Variants in EPPK1 observed in about 807,000 individuals in gnomAD.
EPPK1 encodes epiplakin.
For missense variants in EPPK1, 3,823 were observed against 3,673.3 expected (o/e 1.04, Z -1.05); for synonymous variants, 1,862 against 1,721.2 (o/e 1.08, Z -2.03).
At position 143,866,910 on chromosome 8, in the gene EPPK1, A is replaced by G; in HGVS notation, c.6344T>C (p.Phe2115Ser). 6.2e-7 allele frequency: 1 copy of G among 1,612,926 alleles called. No individual in the cohort carries two copies. The highest frequency in any genetic ancestry group is 8.5e-7 in the Non-Finnish European group (1 of 1,179,852). Residue 2115 changes from phenylalanine (F) to serine (S), a missense_variant, in exon 2 of 2, where the codon TTC becomes TCC. Transcript: ENST00000615648. ...AEQVEITVGR[F>S]RGQKPTLWAL... ...CCACAGTGTTGGTTTCTGGCCTCTGAACCTTCCCACTGTGATTTCCACTTG... is the reference window on the plus strand; with the variant it reads ...CCACAGTGTTGGTTTCTGGCCTCTGGACCTTCCCACTGTGATTTCCACTTG...
At position 143,870,286 on chromosome 8, in the gene EPPK1, T is replaced by C. The variant is rs782332162; in HGVS notation, c.2968A>G (p.Arg990Gly). ...ESLSVDEAVRRGVVGPELYGR... is the reference protein window; with the variant it reads ...ESLSVDEAVRGGVVGPELYGR... ...TACAGCTCCGGCCCCACCACACCCCTGCGCACGGCCTCATCCACCGAGAGG... is the reference window on the plus strand; with the variant it reads ...TACAGCTCCGGCCCCACCACACCCCCGCGCACGGCCTCATCCACCGAGAGG... The change falls in exon 2 of 2, where the codon AGG becomes GGG. Residue 990 changes from arginine to glycine, a missense_variant. Arg to Gly is a moderately radical substitution (Grantham distance 125). Transcript: ENST00000615648. This position sits in a 1 kb window ranked among gnomAD's most constrained non-coding sequence, Gnocchi z 5.2. The C allele has an allele frequency of 9.5e-6, 15 of 1,586,710 alleles. No homozygotes were observed. The highest frequency in any genetic ancestry group is 9.1e-5 in the South Asian group (8 of 88,292).
chr8:143,858,108 TCG>T lies in EPPK1; in HGVS notation c.15144_15145del (p.Ser5048ArgfsTer29). The stretch of plus-strand genomic sequence containing the variant: ...GGGGTCGAAGAAGCCCTTGGTGTCG[TCG>T]CTGGGGTCGGCCAGGACGCGGTTCA... On this transcript the variant is annotated frameshift_variant, in exon 2 of 2. Coordinates refer to ENST00000615648, the MANE Select transcript of EPPK1 (RefSeq NM_031308.4). LOFTEE classifies it low-confidence loss of function (END_TRUNC). 6.2e-7 allele frequency: 1 copy of T among 1,613,366 alleles called. No individual in the cohort carries two copies. The highest frequency in any genetic ancestry group is 1.1e-5 in the South Asian group (1 of 91,096).
Position 143,866,925 on chromosome 8 carries a change from A to G in EPPK1, c.6329T>C (p.Ile2110Thr). 1 of 1,612,816 alleles carries G rather than the reference A, an allele frequency of 6.2e-7. No homozygotes were observed. Among genetic ancestry groups the G allele is most frequent in the Admixed American group, 1.7e-5 (1 of 60,008 alleles). The change falls in exon 2 of 2, where the codon ATC becomes ACC. Residue 2110 changes from isoleucine to threonine, a missense_variant. By Grantham distance (89) the Ile-to-Thr change is moderately conservative. Coordinates refer to ENST00000615648, the MANE Select transcript of EPPK1 (RefSeq NM_031308.4). ...CTGGCCTCTGAACCTTCCCACTGTGATTTCCACTTGCTCTGCCTCCAGGGC... is the reference window on the plus strand; with the variant it reads ...CTGGCCTCTGAACCTTCCCACTGTGGTTTCCACTTGCTCTGCCTCCAGGGC... ...RRALEAEQVE[I>T]TVGRFRGQKP...
Position 143,866,849 on chromosome 8 carries a change from C to A in EPPK1, c.6405G>T (p.Lys2135Asn), listed in dbSNP as rs577724900. The A allele has an allele frequency of 3.7e-6, 6 of 1,613,382 alleles. No homozygotes were observed. In the African/African-American group the frequency reaches 6.7e-5, roughly 18 times the overall value. ...LLNSEYVTEEKKLQLVRMYRT... is the reference protein window; with the variant it reads ...LLNSEYVTEENKLQLVRMYRT... Reference sequence around the variant, plus strand: ...TATACATCCTCACCAGCTGGAGCTTCTTCTCCTCTGTCACGTATTCGGAAT... The same window carrying A: ...TATACATCCTCACCAGCTGGAGCTTATTCTCCTCTGTCACGTATTCGGAAT... Residue 2135 changes from lysine (K) to asparagine (N), a missense_variant, in exon 2 of 2, where the codon AAG becomes AAT. Physicochemically the swap from Lys to Asn is moderately conservative, Grantham distance 94. Transcript: ENST00000615648.
Position 143,868,341 on chromosome 8 carries a change from G to A in EPPK1, c.4913C>T (p.Thr1638Ile). 6.2e-7 allele frequency: 1 copy of A among 1,613,078 alleles called. No homozygotes were observed. The highest frequency in any genetic ancestry group is 1.1e-5 in the South Asian group (1 of 91,080). ...AFKAGMFGKE[T>I]YVKLLSAERA... ...CTCGGCCGACAGCAGCTTCACGTAGGTTTCTTTCCCGAACATTCCTGCTTT... is the reference window on the plus strand; with the variant it reads ...CTCGGCCGACAGCAGCTTCACGTAGATTTCTTTCCCGAACATTCCTGCTTT... Residue 1638 changes from threonine (T) to isoleucine (I), a missense_variant, in exon 2 of 2, where the codon ACC becomes ATC. Thr to Ile is a moderately conservative substitution (Grantham distance 89, BLOSUM62 -1). Transcript: ENST00000615648.
Position 143,868,799 on chromosome 8 carries a change from C to T in EPPK1, c.4455G>A (p.Glu1485=). 1 of 1,601,894 alleles carries T rather than the reference C, an allele frequency of 6.2e-7. No individual in the cohort carries two copies. ...TCCCAGACCGACAGAGTGCCACCAG[C>T]TCCCGCCGCTTGTCAGCGCCAACGT... The part of the protein sequence containing the change: ...SEYVGADKRR[E]LVALCRSGRA... The change falls in exon 2 of 2, where the codon GAG becomes GAA. Residue 1485 remains glutamate (E), a synonymous_variant. Coordinates refer to ENST00000615648, the MANE Select transcript of EPPK1 (RefSeq NM_031308.4).
chr8:143,876,979 C>T (rs1219585052), intron 1 of EPPK1, among the ~76,000 whole-genome samples: 2 of 152,246 alleles, frequency 1.3e-5, no homozygotes, highest in African/African-American at 2.4e-5. Flanking sequence ...GCGTGCTAAG[C>T]GGGCCTCGTA....
At chr8:143,873,525 G>A (rs992379948) in intron 1 of EPPK1, among the ~76,000 whole-genome samples, 28 of 152,176 alleles carry the variant, frequency 1.8e-4, no homozygotes, top group African/African-American at 4.8e-4. Flanking sequence ...CCCAGGCGGC[G>A]CCGGGAGGCC....
In EPPK1 at chr8:143,871,064, G is replaced by A. The variant is rs368219505; in HGVS notation, c.2190C>T (p.Ile730=). ...GCACGCGGTGGCTGTGCACGGGGTC[G>A]ATGACGCCGCCCGTGGCGATCTGGG... ...LEAQIATGGV[I]DPVHSHRVPV... is the part of the protein sequence containing the mutation. Residue 730 remains isoleucine (I), a synonymous_variant, in exon 2 of 2, where the codon ATC becomes ATT. Coordinates refer to ENST00000615648, the MANE Select transcript of EPPK1 (RefSeq NM_031308.4). The A allele has an allele frequency of 4.3e-6, 7 of 1,612,824 alleles. No individual in the cohort carries two copies. The highest frequency in any genetic ancestry group is 4.0e-5 in the African/African-American group (3 of 74,930).
Position 143,868,202 on chromosome 8 carries a change from C to A in EPPK1, c.5052G>T (p.Gln1684His), listed in dbSNP as rs782252028. Residue 1684 changes from glutamine (Q) to histidine (H), a missense_variant, in exon 2 of 2, where the codon CAG becomes CAT. By Grantham distance (24) the Gln-to-His change is conservative. Coordinates refer to ENST00000615648, the MANE Select transcript of EPPK1 (RefSeq NM_031308.4). ...REHGIRLLEA[Q>H]IATGGIIDPV... ...GGTCGATGATGCCGCCCGTGGCGAT[C>A]TGGGCCTCCAGCAGGCGGATGCCGT... 1 of 1,613,162 alleles carries A rather than the reference C, an allele frequency of 6.2e-7. No homozygotes were observed. The highest frequency in any genetic ancestry group is 8.5e-7 in the Non-Finnish European group (1 of 1,180,014).
chr8:143,868,945 C>CT lies in EPPK1; in HGVS notation c.4308dup (p.Asp1437ArgfsTer5), dbSNP rs1373859608. On this transcript the variant is annotated frameshift_variant, in exon 2 of 2. Coordinates refer to ENST00000615648, the MANE Select transcript of EPPK1 (RefSeq NM_031308.4). LOFTEE classifies it low-confidence loss of function (END_TRUNC). ...TGGTCGTCCACCTCAAGCACTGTGT[C>CT]TGAGGGCAGTGGCAACAGCAACAAT... 5.0e-6 allele frequency: 8 copies of CT among 1,610,866 alleles called. No individual in the cohort carries two copies. Among genetic ancestry groups the CT allele is most frequent in the African/African-American group, 1.3e-5 (1 of 74,932 alleles).
In EPPK1 at chr8:143,868,198, C is replaced by G; in HGVS notation, c.5056G>C (p.Ala1686Pro). ...HGIRLLEAQI[A>P]TGGIIDPVHS... ...ACGGGGTCGATGATGCCGCCCGTGG[C>G]GATCTGGGCCTCCAGCAGGCGGATG... The change falls in exon 2 of 2, where the codon GCC becomes CCC. Residue 1686 changes from alanine to proline, a missense_variant. Coordinates refer to ENST00000615648, the MANE Select transcript of EPPK1 (RefSeq NM_031308.4). The G allele has an allele frequency of 6.2e-7, 1 of 1,613,094 alleles. No individual in the cohort carries two copies. Among genetic ancestry groups the G allele is most frequent in the Non-Finnish European group, 8.5e-7 (1 of 1,180,000 alleles).
chr8:143,870,044 G>A lies in EPPK1; in HGVS notation c.3210C>T (p.Asp1070=), dbSNP rs782268063. The A allele has an allele frequency of 6.8e-6, 11 of 1,611,104 alleles. No homozygotes were observed. The East Asian group carries it at 8.9e-5, about 13-fold the overall frequency. ...MPVAIQRGYV[D]QEMETALSSS... is the part of the protein sequence containing the mutation. ...TGGACAAGGCTGTCTCCATCTCCTGGTCAACATAGCCACGCTGAATGGCCA... is the reference window on the plus strand; with the variant it reads ...TGGACAAGGCTGTCTCCATCTCCTGATCAACATAGCCACGCTGAATGGCCA... Residue 1070 remains aspartate (D), a synonymous_variant, in exon 2 of 2, where the codon GAC becomes GAT. Transcript: ENST00000615648. The surrounding 1 kb of genome is among the most constrained non-coding windows in gnomAD (Gnocchi z 5.2).
At chr8:143,878,362 A>C (rs1326947411) in intron 1 of EPPK1, 76 bp downstream of exon 1, 16 of 67,036 alleles carry the variant, frequency 2.4e-4, no homozygotes, top group South Asian at 6.0e-4. Context: ...CCGCACCCGC[A>C]CCCGCCGCAC....
Position 143,869,603 on chromosome 8 carries a change from C to T in EPPK1, c.3651G>A (p.Glu1217=). Residue 1217 remains glutamate, a synonymous_variant, in exon 2 of 2, where the codon GAG becomes GAA. Coordinates refer to ENST00000615648, the MANE Select transcript of EPPK1 (RefSeq NM_031308.4). ...WLLDAGIITQ[E]TLEALAQGTQ... is the part of the protein sequence containing the mutation. ...TGCCCTGAGCCAGGGCCTCAAGGGT[C>T]TCCTGGGTGATGATGCCAGCATCCA... The T allele has an allele frequency of 6.4e-7, 1 of 1,571,164 alleles. No individual in the cohort carries two copies. Among genetic ancestry groups the T allele is most frequent in the East Asian group, 2.3e-5 (1 of 43,272 alleles).
chr8:143,866,773 ACT>A lies in EPPK1; in HGVS notation c.6479_6480del (p.Glu2160ValfsTer18). 6.2e-7 allele frequency: 1 copy of A among 1,613,072 alleles called. No homozygotes were observed. The highest frequency in any genetic ancestry group is 8.5e-7 in the Non-Finnish European group (1 of 1,179,782). On this transcript the variant is annotated frameshift_variant, in exon 2 of 2. Transcript: ENST00000615648. LOFTEE classifies it low-confidence loss of function (END_TRUNC). The stretch of plus-strand genomic sequence containing the variant: ...TTGCTGGTTTCCTGCTTCTCGATCA[ACT>A]CTAAGATGAGCTGCGCTACCGTCTG... ...ALQTVAQLIL[E>X]LIEKQETSNK...
At chr8:143,878,395 C>CCCGCCCCCG (rs1554662603) in intron 1 of EPPK1, 43 bp downstream of exon 1, 9 of 82,876 alleles carry the variant, frequency 1.1e-4, no homozygotes, top group Middle Eastern at 5.0e-3. Context: ...GCCGCACCTG[C>CCCGCCCCCG]CCGCACCCGC....
In EPPK1 at chr8:143,868,550, C is replaced by A. The variant is rs201781964; in HGVS notation, c.4704G>T (p.Glu1568Asp). 2.0e-4 allele frequency: 328 copies of A among 1,604,792 alleles called. No individual in the cohort carries two copies. Among genetic ancestry groups the A allele is most frequent in the Admixed American group, 5.3e-4 (31 of 58,872 alleles). The change falls in exon 2 of 2, where the codon GAG becomes GAT. Residue 1568 changes from glutamate to aspartate, a missense_variant. By Grantham distance (45) the Glu-to-Asp change is conservative. Transcript: ENST00000615648. ...AEMDSVKRSLEGGNFIAGVLI... is the reference protein window; with the variant it reads ...AEMDSVKRSLDGGNFIAGVLI... ...GGACCCCGGCAATGAAGTTGCCTCC[C>A]TCCAGGGACCGCTTCACGCTGTCCA...
chr8:143,870,272 C>T lies in EPPK1; in HGVS notation c.2982G>A (p.Gly994=), dbSNP rs537386009. ...GCTTCAGCCTGCCATACAGCTCCGG[C>T]CCCACCACACCCCTGCGCACGGCCT... ...VDEAVRRGVV[G]PELYGRLKRA... The change falls in exon 2 of 2, where the codon GGG becomes GGA. Residue 994 remains glycine (G), a synonymous_variant. Coordinates refer to ENST00000615648, the MANE Select transcript of EPPK1 (RefSeq NM_031308.4). This position sits in a 1 kb window ranked among gnomAD's most constrained non-coding sequence, Gnocchi z 5.2. 16 of 1,592,354 alleles carry T rather than the reference C, an allele frequency of 1.0e-5. No individual in the cohort carries two copies. The South Asian group carries it at 1.8e-4, about 18-fold the overall frequency.
Sources: allele counts gnomAD v4.1 joint callset (sites outside exome capture counted in the v4.1 genomes callset), GRCh38; gene constraint gnomAD v4.1.1; non-coding constraint Gnocchi (gnomAD v3.1); transcripts MANE v1.5; gene names NCBI Gene and HGNC (gene_info 2026-07-23, HGNC 2026-07-21).